Variants in KIF3A observed in about 807,000 individuals in gnomAD.
KIF3A encodes kinesin-like protein KIF3A.
A neutral mutation model predicts 92.6 loss-of-function variants in KIF3A; 27 were observed. That is an observed-to-expected ratio of 0.29 (90% CI 0.21 to 0.40). KIF3A has a LOEUF of 0.40. KIF3A is among the 10% of genes least tolerant of loss of function. The pLI, the probability that KIF3A is intolerant of heterozygous loss-of-function variation, is 1.00. For synonymous variants in KIF3A, 250 were observed against 275.4 expected (o/e 0.91, Z 0.92); for missense variants, 581 against 872.6 (o/e 0.67, Z 4.21).
At chr5:132,725,691 T>G (rs1273430707) in intron 4 of KIF3A, among the ~76,000 whole-genome samples, 1 of 152,206 alleles carries the variant, frequency 6.6e-6, no homozygotes, top group Non-Finnish European at 1.5e-5. Context: ...AACCATCAAT[T>G]ACTGCACTGA....
chr5:132,716,707 T>C, intron 6 of KIF3A, 138 bp downstream of exon 6: 2 of 974,336 alleles, frequency 2.1e-6, no homozygotes, highest in Non-Finnish European at 1.5e-6. Context: ...AAATGTTCCA[T>C]AATAAATAAT....
At chr5:132,717,098 G>A (rs2149907569) in intron 5 of KIF3A, 114 bp from the exon 6 acceptor site, 1 of 1,004,860 alleles carries the variant, frequency 1.0e-6, no homozygotes, top group Non-Finnish European at 1.5e-6. Context: ...AAGCCAGAGA[G>A]CATGGCTAAA....
chr5:132,691,591 GAGA>G (rs1440390575), downstream of KIF3A, among the ~76,000 whole-genome samples: 1 of 149,792 alleles, frequency 6.7e-6, no homozygotes, highest in African/African-American at 2.5e-5. Flanking sequence ...GTTTATCAAT[GAGA>G]AGAAGCACAT....
At chr5:132,698,207 G>A (rs1752903363) in intron 18 of KIF3A, among the ~76,000 whole-genome samples, 2 of 152,076 alleles carry the variant, frequency 1.3e-5, no homozygotes, top group South Asian at 4.1e-4. Context: ...TAACTTGAAA[G>A]TCCATGCACT....
chr5:132,699,557 CTTCT>C (rs1367770995), intron 17 of KIF3A: 15 of 493,180 alleles, frequency 3.0e-5, no homozygotes, highest in Middle Eastern at 3.7e-4. Context: ...CCCTCTTCTT[CTTCT>C]TTTTTTTTTT....
At chr5:132,711,897 CA>C (rs1278644186) in intron 8 of KIF3A, among the ~76,000 whole-genome samples, 1 of 151,858 alleles carries the variant, frequency 6.6e-6, no homozygotes, top group Non-Finnish European at 1.5e-5. Context: ...AGATAAAAAA[CA>C]AAAAAGGAAT....
chr5:132,729,100 C>T lies in KIF3A; in HGVS notation c.281-2602G>A, dbSNP rs1426900732. ...CTAGGAGGGTGCAAAGGCGTAAGAA[C>T]GATACAGCGGACTTTGGGAACTCAG... On this transcript the variant is annotated intron_variant, in intron 2 of 18. Coordinates refer to ENST00000403231, the MANE Select transcript of KIF3A (RefSeq NM_001300791.2). 2.6e-5 allele frequency among the ~76,000 whole-genome samples: 4 copies of T among 152,018 alleles called. No homozygotes were observed. The South Asian group carries it at 6.2e-4, about 24-fold the overall frequency.
At chr5:132,711,586 T>C (rs144447140) in intron 8 of KIF3A, among the ~76,000 whole-genome samples, 3,624 of 99,842 alleles carry the variant, frequency 0.036, 96 homozygotes, top group African/African-American at 0.077. Flanking sequence ...AGTGACTCTG[T>C]CTCAAAAAAA....
chr5:132,713,168 A>AAAC lies in KIF3A; in HGVS notation c.1130-2114_1130-2112dup, dbSNP rs139928256. Among the ~76,000 whole-genome samples the AAAC allele has an allele frequency of 3.0e-3, 462 of 152,030 alleles. 7 individuals are homozygous for AAAC. The East Asian group carries it at 0.044, about 15-fold the overall frequency. ...GAGACTCTGTCTCAAAACAAAAAAC[A>AAAC]AACAACAACAACAACAACAACAACA... is the stretch of plus-strand genomic sequence containing the variant. On this transcript the variant is annotated intron_variant, in intron 8 of 18. Transcript: ENST00000403231.
At chr5:132,702,353 T>A in intron 14 of KIF3A, 141 bp from the exon 15 acceptor site, 1 of 784,846 alleles carries the variant, frequency 1.3e-6, no homozygotes, top group Non-Finnish European at 2.0e-6. Flanking sequence ...AGCGTGACAC[T>A]ATCAGCATCT....
chr5:132,718,647 G>C (rs1753721997), intron 5 of KIF3A, among the ~76,000 whole-genome samples: 1 of 151,690 alleles, frequency 6.6e-6, no homozygotes, highest in African/African-American at 2.4e-5. Context: ...TTGTTTTTGA[G>C]ACAGAGTCTT....
chr5:132,696,876 G>T (rs1752857160), intron 18 of KIF3A, among the ~76,000 whole-genome samples, 194 bp from the exon 19 acceptor site: 1 of 152,176 alleles, frequency 6.6e-6, no homozygotes, highest in Non-Finnish European at 1.5e-5. Flanking sequence ...TAAAGTAAAT[G>T]CAAGAGGATG....
Position 132,737,533 on chromosome 5 carries a change from G to T in KIF3A, c.-114C>A. ...CGAAACACCTCGTTGACGCTCTCGAGACTGCGGCTTCTCGGGCGAGAGCGC... is the reference window on the plus strand; with the variant it reads ...CGAAACACCTCGTTGACGCTCTCGATACTGCGGCTTCTCGGGCGAGAGCGC... On this transcript the variant is annotated 5_prime_UTR_variant, in exon 1 of 19. Transcript: ENST00000403231. 1 of 1,264,956 alleles carries T rather than the reference G, an allele frequency of 7.9e-7. No homozygotes were observed. The highest frequency in any genetic ancestry group is 1.1e-6 in the Non-Finnish European group (1 of 921,232). 78.4% of individuals were successfully genotyped at this position (1,264,956 alleles called of 1,614,324 possible).
intron 1 of KIF3A, among the ~76,000 whole-genome samples, chr5:132,735,439 A>G (rs1046548879): frequency 6.6e-6 from 1 of 152,230 alleles, no homozygotes; most frequent in African/African-American, 2.4e-5. Context: ...AGTGAAAAGG[A>G]CAGTTTAGTT....
chr5:132,703,931 AAT>A (rs1383378080), intron 11 of KIF3A, among the ~76,000 whole-genome samples: 2 of 151,886 alleles, frequency 1.3e-5, no homozygotes, highest in African/African-American at 4.8e-5. Flanking sequence ...CAAATTAAAA[AAT>A]ATATATGTCC....
intron 8 of KIF3A, among the ~76,000 whole-genome samples, chr5:132,714,627 A>C (rs1753555463): frequency 6.6e-6 from 1 of 152,148 alleles, no homozygotes; most frequent in South Asian, 2.1e-4. Flanking sequence ...GGGAGAAAAG[A>C]ATAGGAAGTT....
At position 132,704,003 on chromosome 5, in the gene KIF3A, A is replaced by T. The variant is rs1246600955; in HGVS notation, c.1310-384T>A. ...ATGATTCTTCAGTTACTTTTTCCTG[A>T]TAACCAAGTATAAAATCAAGCGACT... On this transcript the variant is annotated intron_variant, in intron 11 of 18. Coordinates refer to ENST00000403231, the MANE Select transcript of KIF3A (RefSeq NM_001300791.2). Among the ~76,000 whole-genome samples, 3 of 151,932 alleles carry T rather than the reference A, an allele frequency of 2.0e-5. No individual in the cohort carries two copies. In the East Asian group the frequency reaches 5.8e-4, roughly 29 times the overall value.
intron 5 of KIF3A, among the ~76,000 whole-genome samples, chr5:132,718,620 T>G (rs1261505789): frequency 3.3e-5 from 5 of 151,716 alleles, no homozygotes; most frequent in Non-Finnish European, 7.4e-5. Context: ...TGTTGTTTTT[T>G]TTGTTGTTGT....
Position 132,699,191 on chromosome 5 carries a change from T to C in KIF3A, c.2112A>G (p.Ala704=), listed in dbSNP as rs778196488. 192 of 1,614,024 alleles carry C rather than the reference T, an allele frequency of 1.2e-4. No homozygotes were observed. The highest frequency in any genetic ancestry group is 6.4e-5 in the Non-Finnish European group (76 of 1,179,986). ...LERPRTSKGK[A]RPKTGRRKRS... ...CTTACCTTCTCCCTGTCTTTGGCCT[T>C]GCTTTCCCCTTTGAAGTTCGTGGTC... The change falls in exon 18 of 19, where the codon GCA becomes GCG. Residue 704 remains alanine (A), a synonymous_variant. Transcript: ENST00000403231.
Sources: allele counts gnomAD v4.1 joint callset (sites outside exome capture counted in the v4.1 genomes callset), GRCh38; gene constraint gnomAD v4.1.1; transcripts MANE v1.5; gene names NCBI Gene and HGNC (gene_info 2026-07-23, HGNC 2026-07-21).